EMILIN2: variants seen among roughly 807,000 people sequenced by gnomAD.
EMILIN2 encodes elastin microfibril interfacer 2, also known as EMILIN-2.
EMILIN2 carries 71 observed loss-of-function variants against 87.1 expected under a neutral mutation model. The ratio of observed to expected loss-of-function variants is 0.82; its 90% confidence interval spans 0.67 to 0.99. EMILIN2 has a LOEUF of 0.99. Among genes scored for constraint, EMILIN2 ranks in the 50% least tolerant of loss-of-function variants. EMILIN2 has a pLI of 0.00. For synonymous variants in EMILIN2, 581 were observed against 563.4 expected (o/e 1.03, Z -0.44); for missense variants, 1,407 against 1,371.8 (o/e 1.03, Z -0.40).
intron 4 of EMILIN2, among the ~76,000 whole-genome samples, chr18:2,905,561 T>C (rs912968291): frequency 6.6e-6 from 1 of 152,018 alleles, no homozygotes; most frequent in African/African-American, 2.4e-5. Flanking sequence ...CCTGTTGTGC[T>C]ATCAGATACT....
intron 4 of EMILIN2, among the ~76,000 whole-genome samples, 163 bp downstream of exon 4, chr18:2,892,649 C>A (rs1461134099): frequency 6.6e-6 from 1 of 151,870 alleles, no homozygotes. Context: ...GAACTAAATG[C>A]CATCAGTCCT....
At chr18:2,855,733 C>T (rs2076623892) in intron 2 of EMILIN2, among the ~76,000 whole-genome samples, 1 of 152,238 alleles carries the variant, frequency 6.6e-6, no homozygotes, top group African/African-American at 2.4e-5. Context: ...GCTGTGTGAT[C>T]ACAGGCGAGT....
intron 4 of EMILIN2, 46 bp from the exon 5 acceptor site, chr18:2,906,737 G>A (rs1027836178): frequency 7.3e-6 from 9 of 1,237,724 alleles, no homozygotes; most frequent in Admixed American, 4.3e-5. Context: ...AGTCAGGGCT[G>A]AGGTTTCCTA....
At chr18:2,893,197 C>T (rs141719078) in intron 4 of EMILIN2, among the ~76,000 whole-genome samples, 10 of 152,318 alleles carry the variant, frequency 6.6e-5, no homozygotes, top group African/African-American at 2.2e-4. Context: ...TAGAATCAGG[C>T]TGGTGAGCTC....
intron 2 of EMILIN2, among the ~76,000 whole-genome samples, chr18:2,864,090 C>T (rs2076674383): frequency 1.3e-5 from 2 of 152,214 alleles, no homozygotes; most frequent in African/African-American, 2.4e-5. Flanking sequence ...TTCCTCCATC[C>T]CTTTATTTTG....
Position 2,915,488 on chromosome 18 carries a change from C to CT in EMILIN2, c.*2084_*2085insT, listed in dbSNP as rs1269328022. 1 of 151,952 alleles carries CT rather than the reference C, an allele frequency of 6.6e-6. No individual in the cohort carries two copies. The highest frequency in any genetic ancestry group is 1.5e-5 in the Non-Finnish European group (1 of 68,054). The allele number at this position is 151,952 out of a possible 1,614,324, so 9.4% of individuals were successfully genotyped here. A position where few individuals can be genotyped will look rare whatever the true frequency, so the allele number is the denominator to read the frequency against. The stretch of plus-strand genomic sequence containing the variant: ...GCCTGCGAGTCAGTCAGAGGCATAC[C>CT]AAACCCTGAGACAGAATCAGGCACA... On this transcript the variant is annotated 3_prime_UTR_variant, in exon 8 of 8. Coordinates refer to ENST00000254528, the MANE Select transcript of EMILIN2 (RefSeq NM_032048.3).
chr18:2,909,701 G>A lies in EMILIN2; in HGVS notation c.2706G>A (p.Val902=). 1 of 1,614,054 alleles carries A rather than the reference G, an allele frequency of 6.2e-7. No homozygotes were observed. The highest frequency in any genetic ancestry group is 8.5e-7 in the Non-Finnish European group (1 of 1,179,946). Residue 902 remains valine (V), a synonymous_variant, in exon 7 of 8, where the codon GTG becomes GTA. Transcript: ENST00000254528. ...CTTTCTCTGCTCCAGGAGCTCCGGT[G>A]CCTTCTCTGGTGTCTTTTTCTGCGG... ...SPPVASPGAP[V]PSLVSFSAGL...
At chr18:2,851,777 T>C (rs1023914266) in intron 2 of EMILIN2, among the ~76,000 whole-genome samples, 1 of 152,212 alleles carries the variant, frequency 6.6e-6, no homozygotes, top group Admixed American at 6.5e-5. Flanking sequence ...TTTTAAGTAA[T>C]CACTTTTCTG....
Position 2,885,091 on chromosome 18 carries a change from C to G in EMILIN2, c.385C>G (p.Leu129Val). Reference sequence around the variant, plus strand: ...AGGTCCCAAAGACCCCGTGAAGACCCTCCGCCCCACGCCGGCTCGGCCTCG... The same window carrying G: ...AGGTCCCAAAGACCCCGTGAAGACCGTCCGCCCCACGCCGGCTCGGCCTCG... ...QEGPKDPVKT[L>V]RPTPARPRNS... Residue 129 changes from leucine (L) to valine (V), a missense_variant, in exon 3 of 8, where the codon CTC becomes GTC. Leu to Val is a conservative substitution (Grantham distance 32). Coordinates refer to ENST00000254528, the MANE Select transcript of EMILIN2 (RefSeq NM_032048.3). 2 of 1,613,190 alleles carry G rather than the reference C, an allele frequency of 1.2e-6. No individual in the cohort carries two copies. Among genetic ancestry groups the G allele is most frequent in the East Asian group, 2.2e-5 (1 of 44,858 alleles).
rs202158489 is a variant in EMILIN2, at chr18:2,858,522, CATATATATATATATATAT to C, written c.257+10622_257+10639del. On this transcript the variant is annotated intron_variant, in intron 2 of 7. Transcript: ENST00000254528. The stretch of plus-strand genomic sequence containing the variant: ...TTTTTATAGCTGAGTAGTATTCCAT[CATATATATATATATATAT>C]ATATATATATATATATATATATATA... Among the ~76,000 whole-genome samples, 328 of 45,748 alleles carry C rather than the reference CATATATATATATATATAT, an allele frequency of 7.2e-3. 9 individuals carry two copies. The highest frequency in any genetic ancestry group is 0.013 in the South Asian group (14 of 1,052). 30.0% of individuals were successfully genotyped at this position (45,748 alleles called of 152,430 possible).
Position 2,906,852 on chromosome 18 carries a change from G to A in EMILIN2, c.2429G>A (p.Arg810Lys). 2.2e-6 allele frequency: 3 copies of A among 1,352,962 alleles called. No homozygotes were observed. The highest frequency in any genetic ancestry group is 6.3e-5 in the East Asian group (2 of 31,914). 83.8% of individuals were successfully genotyped at this position (1,352,962 alleles called of 1,614,324 possible). ...CTGCAGCCCGAGCCCGCCCCGCCGAGGCCCAGCGGCCCCGCAACCGCAGAG... is the reference window on the plus strand; with the variant it reads ...CTGCAGCCCGAGCCCGCCCCGCCGAAGCCCAGCGGCCCCGCAACCGCAGAG... ...EPLQPEPAPP[R>K]PSGPATAEDP... Residue 810 changes from arginine (R) to lysine (K), a missense_variant, in exon 5 of 8, where the codon AGG (arginine) becomes AAG (lysine). Arg to Lys is a conservative substitution (Grantham distance 26). Transcript: ENST00000254528.
chr18:2,871,618 C>T (rs771707661), intron 2 of EMILIN2, among the ~76,000 whole-genome samples: 1 of 152,212 alleles, frequency 6.6e-6, no homozygotes, highest in Non-Finnish European at 1.5e-5. Context: ...GAGCGGGGAT[C>T]TGTGTGCTCC....
intron 4 of EMILIN2, among the ~76,000 whole-genome samples, chr18:2,905,903 C>T (rs547359354): frequency 1.3e-5 from 2 of 151,746 alleles, no homozygotes; most frequent in South Asian, 4.2e-4. Context: ...GGATTACGGG[C>T]GTGAGCCACC....
intron 2 of EMILIN2, among the ~76,000 whole-genome samples, chr18:2,858,583 G>GTGTGTATATA (rs1180735843): frequency 4.8e-5 from 3 of 63,036 alleles, no homozygotes; most frequent in African/African-American, 9.4e-5. Flanking sequence ...GTGTGTGTGT[G>GTGTGTATATA]TATATATATA....
chr18:2,873,794 T>G (rs1436505640), intron 2 of EMILIN2, among the ~76,000 whole-genome samples: 1 of 152,174 alleles, frequency 6.6e-6, no homozygotes, highest in Non-Finnish European at 1.5e-5. Context: ...CCCAAAAGTC[T>G]ATATATGTGT....
At chr18:2,886,805 A>G (rs537938193) in intron 3 of EMILIN2, among the ~76,000 whole-genome samples, 5 of 152,114 alleles carry the variant, frequency 3.3e-5, no homozygotes, top group Admixed American at 2.6e-4. Flanking sequence ...TGCTATTTCA[A>G]CCCAACTCTT....
intron 4 of EMILIN2, among the ~76,000 whole-genome samples, chr18:2,906,038 G>A (rs1276425762): frequency 6.6e-6 from 1 of 152,148 alleles, no homozygotes; most frequent in East Asian, 1.9e-4. Context: ...GGGCATCGTG[G>A]GCACCAGGCT....
rs1479952349 is a variant in EMILIN2, at chr18:2,847,092, C to A, written c.-97C>A. 9.3e-7 allele frequency: 1 copy of A among 1,073,190 alleles called. No individual in the cohort carries two copies. Among genetic ancestry groups the A allele is most frequent in the Admixed American group, 4.9e-5 (1 of 20,292 alleles). 66.5% of individuals were successfully genotyped at this position (1,073,190 alleles called of 1,614,324 possible). A position where few individuals can be genotyped will look rare whatever the true frequency, so the allele number is the denominator to read the frequency against. Reference sequence around the variant, plus strand: ...GCGAAGCGCCCGAGCCTCTTGCCTTCGCGGGCGGCGCCCTGGCCGCCGGCA... The same window carrying A: ...GCGAAGCGCCCGAGCCTCTTGCCTTAGCGGGCGGCGCCCTGGCCGCCGGCA... On this transcript the variant is annotated 5_prime_UTR_variant, in exon 1 of 8. Transcript: ENST00000254528. This position sits in a 1 kb window ranked among gnomAD's most constrained non-coding sequence, Gnocchi z 4.5.
chr18:2,864,122 A>G (rs1419672187), intron 2 of EMILIN2, among the ~76,000 whole-genome samples: 4 of 152,058 alleles, frequency 2.6e-5, no homozygotes, highest in Admixed American at 6.6e-5. Context: ...GTCTCTGCAC[A>G]TGAGATGGGT....
Sources: allele counts gnomAD v4.1 joint callset (sites outside exome capture counted in the v4.1 genomes callset), GRCh38; gene constraint gnomAD v4.1.1; non-coding constraint Gnocchi (gnomAD v3.1); transcripts MANE v1.5; gene names NCBI Gene and HGNC (gene_info 2026-07-23, HGNC 2026-07-21).